The following RHOBTB1 variants were observed in gnomAD, a reference collection of about 807,000 sequenced individuals.
RHOBTB1 encodes the protein Rho related BTB domain containing 1.
RHOBTB1 carries 40 observed loss-of-function variants against 71.6 expected under a neutral mutation model. The ratio of observed to expected loss-of-function variants is 0.56; its 90% CI spans 0.43 to 0.73. The LOEUF is 0.73. RHOBTB1 is among the 30% of genes least tolerant of loss of function. The probability of loss-of-function intolerance (pLI) is 0.00; values close to 1 mark genes in which losing one functional copy is unlikely to be tolerated. For missense variants in RHOBTB1, 797 were observed against 894.0 expected (o/e 0.89, Z 1.38); for synonymous variants, 319 against 334.9 (o/e 0.95, Z 0.52).
At chr10:60,903,614 G>A (rs962256989) in intron 4 of RHOBTB1, among the ~76,000 whole-genome samples, 2 of 152,004 alleles carry the variant, frequency 1.3e-5, no homozygotes, top group Admixed American at 6.5e-5. Flanking sequence ...CTGGTGAAAC[G>A]TTTCTTGCTA....
At chr10:60,998,353 T>A (rs1422985026) in intron 1 of RHOBTB1, among the ~76,000 whole-genome samples, 1 of 152,214 alleles carries the variant, frequency 6.6e-6, no homozygotes, top group Admixed American at 6.5e-5. Flanking sequence ...TGCTAGGCCC[T>A]GGGAATACAG....
At chr10:60,883,336 G>A (rs1225432377) in intron 7 of RHOBTB1, among the ~76,000 whole-genome samples, 1 of 152,210 alleles carries the variant, frequency 6.6e-6, no homozygotes, top group Non-Finnish European at 1.5e-5. Context: ...CCATATACAT[G>A]TGCATTCACA....
rs1176279025 is a variant in RHOBTB1, at chr10:60,980,788, CAG to C, written c.-62+5055_-62+5056del. The stretch of plus-strand genomic sequence containing the variant: ...CAGTAGAAATGATTAGGTTATGAAA[CAG>C]AGCTCTTTCCCATCTCTCCTGAGCT... On this transcript the variant is annotated intron_variant, in intron 2 of 11. Transcript: ENST00000357917. Among the ~76,000 whole-genome samples, 3 of 152,242 alleles carry C rather than the reference CAG, an allele frequency of 2.0e-5. 1 individual carries two copies. Among genetic ancestry groups the C allele is most frequent in the Non-Finnish European group, 4.4e-5 (3 of 68,002 alleles).
At chr10:60,917,232 T>C (rs966467145) in intron 2 of RHOBTB1, among the ~76,000 whole-genome samples, 2 of 152,248 alleles carry the variant, frequency 1.3e-5, no homozygotes, top group South Asian at 2.1e-4. Context: ...GTTACCTTTA[T>C]ATACACCTTT....
At chr10:60,864,878 A>G (rs1014442208), downstream of RHOBTB1, among the ~76,000 whole-genome samples, 6 of 152,034 alleles carry the variant, frequency 3.9e-5, no homozygotes, top group African/African-American at 7.3e-5. Context: ...TTTGCTAGAG[A>G]TGGGGTTTTA....
chr10:60,999,236 A>C (rs1005383233), intron 1 of RHOBTB1, among the ~76,000 whole-genome samples: 2 of 152,128 alleles, frequency 1.3e-5, no homozygotes, highest in Admixed American at 1.3e-4. Flanking sequence ...TGCGCATCCA[A>C]ATTTTAGTGA....
At chr10:60,865,251 T>C (rs1366050649), downstream of RHOBTB1, among the ~76,000 whole-genome samples, 1 of 152,244 alleles carries the variant, frequency 6.6e-6, no homozygotes, top group Non-Finnish European at 1.5e-5. Flanking sequence ...ACTGGAAGCT[T>C]ACTTTTTCTT....
chr10:61,001,403 G>A (rs1468885944), exon 1 of RHOBTB1: 2 of 151,692 alleles, frequency 1.3e-5, no homozygotes, highest in Non-Finnish European at 1.5e-5. Context: ...CGCTACCTGG[G>A]GACGCTGGAA....
At chr10:61,001,843 C>T (rs1013421001), upstream of RHOBTB1, among the ~76,000 whole-genome samples, 1 of 152,238 alleles carries the variant, frequency 6.6e-6, no homozygotes, top group East Asian at 1.9e-4. Flanking sequence ...GGCCGCCCTT[C>T]CTGGAGGCCT....
intron 2 of RHOBTB1, among the ~76,000 whole-genome samples, chr10:60,932,440 A>T (rs187680301): frequency 1.3e-5 from 2 of 150,920 alleles, no homozygotes; most frequent in East Asian, 3.9e-4. Context: ...TCAGTTTGCA[A>T]AAAGTCATCA....
At chr10:60,866,798 T>C (rs1046956969), downstream of RHOBTB1, among the ~76,000 whole-genome samples, 1 of 151,018 alleles carries the variant, frequency 6.6e-6, no homozygotes. Flanking sequence ...TAATAATAAT[T>C]ATTATTTACT....
At chr10:60,987,308 T>C (rs1316149300) in intron 1 of RHOBTB1, among the ~76,000 whole-genome samples, 1 of 152,182 alleles carries the variant, frequency 6.6e-6, no homozygotes, top group Non-Finnish European at 1.5e-5. Flanking sequence ...GGCAGCAATT[T>C]TATTCATATC....
At chr10:60,908,808 C>T (rs537099177) in intron 4 of RHOBTB1, among the ~76,000 whole-genome samples, 6 of 152,254 alleles carry the variant, frequency 3.9e-5, no homozygotes, top group African/African-American at 1.4e-4. Context: ...CGCCTGGAGG[C>T]TGTGAGGAAT....
chr10:60,970,100 C>T (rs1339222384), intron 2 of RHOBTB1, among the ~76,000 whole-genome samples: 1 of 152,092 alleles, frequency 6.6e-6, no homozygotes, highest in Non-Finnish European at 1.5e-5. Flanking sequence ...TCATCCAATG[C>T]TGTGGATGAA....
chr10:60,876,694 T>C (rs1473081750), intron 8 of RHOBTB1, among the ~76,000 whole-genome samples: 3 of 152,206 alleles, frequency 2.0e-5, no homozygotes, highest in Middle Eastern at 3.2e-3. Flanking sequence ...ATCTATTAAG[T>C]ATATTGGTTA....
At chr10:60,961,912 A>T (rs1175034026) in intron 2 of RHOBTB1, among the ~76,000 whole-genome samples, 1 of 149,682 alleles carries the variant, frequency 6.7e-6, no homozygotes, top group South Asian at 2.1e-4. Context: ...GGTTCAAATG[A>T]TTCTCCTGCT....
chr10:60,876,084 T>C (rs1443540763), intron 8 of RHOBTB1, among the ~76,000 whole-genome samples: 4 of 152,210 alleles, frequency 2.6e-5, no homozygotes, highest in Non-Finnish European at 5.9e-5. Context: ...ACAAACCTCC[T>C]CAACTAGATT....
intron 1 of RHOBTB1, among the ~76,000 whole-genome samples, chr10:60,996,552 C>A (rs1294911816): frequency 1.3e-5 from 2 of 152,196 alleles, no homozygotes; most frequent in East Asian, 3.9e-4. Flanking sequence ...CTGATGTCCC[C>A]GAGAGCTTCG....
intron 2 of RHOBTB1, among the ~76,000 whole-genome samples, chr10:60,928,801 A>G (rs1306597449): frequency 6.6e-6 from 1 of 152,204 alleles, no homozygotes; most frequent in East Asian, 1.9e-4. Flanking sequence ...CTAACACAAA[A>G]AAATGATAAA....
Sources: gnomAD v4.1 joint callset for allele counts (sites outside exome capture counted in the v4.1 genomes callset) on GRCh38, gnomAD v4.1.1 for gene constraint, MANE v1.5 for transcripts, NCBI Gene and HGNC (gene_info 2026-07-23, HGNC 2026-07-21) for gene names.